The following MALT1 variants were observed in gnomAD, a reference collection of about 807,000 sequenced individuals.
The protein encoded by MALT1 is MALT1 paracaspase.
MALT1 carries 36 observed loss-of-function variants against 85.5 expected under a neutral mutation model. The observed-to-expected ratio is 0.42, with a 90% CI of 0.32 to 0.56. The LOEUF is 0.56. Ranked by LOEUF, MALT1 falls within the 20% of genes least tolerant of loss-of-function variation. MALT1 has a pLI of 0.10. For synonymous variants in MALT1, 359 were observed against 361.3 expected (o/e 0.99, Z 0.07); for missense variants, 716 against 981.6 (o/e 0.73, Z 3.62).
intron 13 of MALT1, among the ~76,000 whole-genome samples, chr18:58,735,540 C>T (rs1215036541): frequency 6.6e-6 from 1 of 152,164 alleles, no homozygotes; most frequent in East Asian, 1.9e-4. Flanking sequence ...ACCTAGCTCT[C>T]CACCATCTGT....
At chr18:58,675,916 A>G (rs753665806) in intron 1 of MALT1, among the ~76,000 whole-genome samples, 5 of 152,208 alleles carry the variant, frequency 3.3e-5, no homozygotes, top group Non-Finnish European at 5.9e-5. Flanking sequence ...GTCTTCCCTT[A>G]TAAACCTCTT....
At chr18:58,686,174 G>A (rs911834821) in intron 2 of MALT1, among the ~76,000 whole-genome samples, 1 of 152,058 alleles carries the variant, frequency 6.6e-6, no homozygotes, top group South Asian at 2.1e-4. Flanking sequence ...TTACAGGCAC[G>A]CGCCACCACA....
At chr18:58,686,717 C>T (rs1320249460) in intron 2 of MALT1, among the ~76,000 whole-genome samples, 1 of 152,108 alleles carries the variant, frequency 6.6e-6, no homozygotes, top group Non-Finnish European at 1.5e-5. Context: ...TTGTAACATA[C>T]GCATTGTTAT....
At chr18:58,673,479 G>A (rs1241568347) in intron 1 of MALT1, among the ~76,000 whole-genome samples, 1 of 151,688 alleles carries the variant, frequency 6.6e-6, no homozygotes, top group Admixed American at 6.6e-5. Context: ...TTCCGAGATG[G>A]AGTCTTGCTC....
intron 10 of MALT1, among the ~76,000 whole-genome samples, chr18:58,723,828 T>C (rs991442105): frequency 2.6e-5 from 4 of 152,180 alleles, no homozygotes; most frequent in Admixed American, 2.6e-4. Flanking sequence ...TATTTAATGT[T>C]TTTTCCCCAT....
At chr18:58,678,470 TAC>T (rs965693653) in intron 1 of MALT1, among the ~76,000 whole-genome samples, 3 of 152,158 alleles carry the variant, frequency 2.0e-5, no homozygotes, top group Non-Finnish European at 4.4e-5. Flanking sequence ...TGTGTGTGTA[TAC>T]ACACACATAT....
intron 1 of MALT1, chr18:58,674,106 G>C (rs573255338): frequency 2.6e-4 from 39 of 152,256 alleles, no homozygotes; most frequent in African/African-American, 9.4e-4. Context: ...AAGAAAGCCA[G>C]GTATGGAGGA....
chr18:58,713,831 T>G (rs1158841465), intron 7 of MALT1, among the ~76,000 whole-genome samples: 2 of 152,158 alleles, frequency 1.3e-5, no homozygotes, highest in Non-Finnish European at 2.9e-5. Flanking sequence ...ATGAATAAAT[T>G]ATGAAAGAGC....
In MALT1 at chr18:58,673,655, C is replaced by G. The variant is rs115120562; in HGVS notation, c.209+1803C>G. ...TATTTTTAGTAAAGACGGGGTTTTG[C>G]TGTGTTAGCCAGGCTGGTCTTGACC... On this transcript the variant is annotated intron_variant, in intron 1 of 16. Coordinates refer to ENST00000649217, the MANE Select transcript of MALT1 (RefSeq NM_006785.4). Among the ~76,000 whole-genome samples, 1,221 of 152,200 alleles carry G rather than the reference C, an allele frequency of 8.0e-3. 26 individuals are homozygous for G. The highest frequency in any genetic ancestry group is 0.028 in the African/African-American group (1,181 of 41,526).
chr18:58,742,995 T>C (rs1481300331), intron 14 of MALT1, among the ~76,000 whole-genome samples: 1 of 152,210 alleles, frequency 6.6e-6, no homozygotes, highest in Non-Finnish European at 1.5e-5. Flanking sequence ...AGTCCAAGTA[T>C]CTAGTCTGTG....
intron 10 of MALT1, among the ~76,000 whole-genome samples, chr18:58,727,274 TGG>T (rs954239922): frequency 1.1e-4 from 2 of 18,836 alleles, no homozygotes; most frequent in African/African-American, 1.2e-4. Context: ...TAAGGTTTTT[TGG>T]GTTTTTTTTT....
intron 13 of MALT1, 117 bp from the exon 14 acceptor site, chr18:58,741,748 G>T: frequency 1.8e-6 from 1 of 550,430 alleles, no homozygotes. Context: ...AATATTTGTT[G>T]AGTGAATAAA....
At chr18:58,677,479 A>G (rs565841793) in intron 1 of MALT1, 2 of 152,310 alleles carry the variant, frequency 1.3e-5, no homozygotes, top group East Asian at 1.9e-4. Context: ...TATTTACAAA[A>G]TTAGTAATCC....
intron 14 of MALT1, among the ~76,000 whole-genome samples, chr18:58,743,793 AAATT>A (rs1228912472): frequency 3.3e-5 from 5 of 152,204 alleles, no homozygotes; most frequent in African/African-American, 1.2e-4. Flanking sequence ...AATGTTTTAA[AAATT>A]AATACTCTGT....
chr18:58,745,667 A>T lies in MALT1; in HGVS notation c.1913A>T (p.Asp638Val). ...CDAYVTDFPLDLDIDPKDANK... is the reference protein window; with the variant it reads ...CDAYVTDFPLVLDIDPKDANK... ...AGTCCCTAATTTTTTTTTTTACAGGATCTAGATATTGATCCAAAAGATGCA... is the reference window on the plus strand; with the variant it reads ...AGTCCCTAATTTTTTTTTTTACAGGTTCTAGATATTGATCCAAAAGATGCA... The change falls in exon 16 of 17, where the codon GAT becomes GTT. Residue 638 changes from aspartate to valine, a missense_variant and splice_region_variant. By Grantham distance (152) the Asp-to-Val change is radical (BLOSUM62 -3). Transcript: ENST00000649217. 1 of 1,609,394 alleles carries T rather than the reference A, an allele frequency of 6.2e-7. No individual in the cohort carries two copies. The highest frequency in any genetic ancestry group is 1.7e-5 in the Admixed American group (1 of 59,258).
chr18:58,709,928 C>T, intron 5 of MALT1, 48 bp from the exon 6 acceptor site: 1 of 1,175,514 alleles, frequency 8.5e-7, no homozygotes, highest in South Asian at 1.3e-5. Flanking sequence ...TTTCTCCAAG[C>T]CATTAAAATA....
At position 58,751,946 on chromosome 18, in the gene MALT1, C is replaced by G. The variant is rs2055452178; in HGVS notation, c.*4104C>G. 6.6e-6 allele frequency: 1 copy of G among 152,186 alleles called. No individual in the cohort carries two copies. The highest frequency in any genetic ancestry group is 2.4e-5 in the African/African-American group (1 of 41,448). 9.4% of individuals were successfully genotyped at this position (152,186 alleles called of 1,614,324 possible). ...AGTCAAAACGTTTCAGAAAAGAAAGCCTTTAAAGAAGAATCCTGGCACAGA... is the reference window on the plus strand; with the variant it reads ...AGTCAAAACGTTTCAGAAAAGAAAGGCTTTAAAGAAGAATCCTGGCACAGA... On this transcript the variant is annotated 3_prime_UTR_variant, in exon 17 of 17. Transcript: ENST00000649217.
intron 10 of MALT1, among the ~76,000 whole-genome samples, chr18:58,729,861 A>G (rs897394976): frequency 4.6e-5 from 7 of 152,244 alleles, no homozygotes; most frequent in Admixed American, 1.3e-4. Context: ...ACATAGGACT[A>G]TAGAATGTCA....
At chr18:58,722,334 A>T (rs1275843984) in intron 9 of MALT1, among the ~76,000 whole-genome samples, 1 of 152,160 alleles carries the variant, frequency 6.6e-6, no homozygotes, top group Non-Finnish European at 1.5e-5. Flanking sequence ...TGAACAAAAA[A>T]ACTGTTTCTA....
Sources: allele counts gnomAD v4.1 joint callset (sites outside exome capture counted in the v4.1 genomes callset), GRCh38; gene constraint gnomAD v4.1.1; transcripts MANE v1.5; gene names NCBI Gene and HGNC (gene_info 2026-07-23, HGNC 2026-07-21).